CHI3L2: variants seen among roughly 807,000 people sequenced by gnomAD.
CHI3L2 encodes chitinase-3-like protein 2.
Under a neutral mutation model 47.3 loss-of-function variants are expected in CHI3L2, and 47 were observed. The ratio of observed to expected loss-of-function variants is 0.99; its 90% CI spans 0.79 to 1.27. The LOEUF is 1.27. CHI3L2 is among the 50% of genes most tolerant of loss of function. The probability of loss-of-function intolerance (pLI) is 0.00; values close to 1 mark genes in which losing one functional copy is unlikely to be tolerated. For synonymous variants in CHI3L2, 198 were observed against 169.9 expected, an observed-to-expected ratio of 1.17 and a Z score of -1.28; for missense variants, 497 against 462.1, an observed-to-expected ratio of 1.08 and a Z score of -0.69.
At position 111,231,220 on chromosome 1, in the gene CHI3L2, C is replaced by T. The variant is rs376481560; in HGVS notation, c.273-18C>T. ...TGGCAGCCAGAAAATAAATAATCAT[C>T]TTATTCTTCTACTTCAGGAATCCCA... On this transcript the variant is annotated intron_variant, in intron 3 of 10. Coordinates refer to ENST00000369748, the MANE Select transcript of CHI3L2 (RefSeq NM_004000.3). 36 of 1,594,612 alleles carry T rather than the reference C, an allele frequency of 2.3e-5. No homozygotes were observed. In the African/African-American group the frequency reaches 3.2e-4, roughly 14 times the overall value.
intron 4 of CHI3L2, among the ~76,000 whole-genome samples, chr1:111,234,214 C>T (rs913080902): frequency 1.3e-5 from 2 of 148,828 alleles, no homozygotes; most frequent in Non-Finnish European, 3.0e-5. Context: ...AGAAAGAAAA[C>T]CAAAGCTGGA....
Position 111,234,906 on chromosome 1 carries a change from G to C in CHI3L2, c.330-1G>C. ...AAGACACTCGTATTGCTTCTTTCCA[G>C]GTTCCACCCTATGGTGGATTCTTCT... On this transcript the variant is annotated splice_acceptor_variant, in intron 4 of 10. Transcript: ENST00000369748. LOFTEE classifies it high-confidence loss of function. 1 of 1,613,836 alleles carries C rather than the reference G, an allele frequency of 6.2e-7. No homozygotes were observed. Among genetic ancestry groups the C allele is most frequent in the Non-Finnish European group, 8.5e-7 (1 of 1,179,874 alleles).
intron 8 of CHI3L2, 72 bp downstream of exon 8, chr1:111,239,004 C>A: frequency 7.2e-7 from 1 of 1,396,928 alleles, no homozygotes. Context: ...AATTTGACAG[C>A]AGAGTAAAGC....
At chr1:111,234,835 C>T in intron 4 of CHI3L2, 72 bp from the exon 5 acceptor site, 1 of 1,435,052 alleles carries the variant, frequency 7.0e-7, no homozygotes, top group South Asian at 1.2e-5. Context: ...CTCAGGATTT[C>T]TGTGAAAAAT....
chr1:111,231,690 A>G (rs192315442), intron 4 of CHI3L2, among the ~76,000 whole-genome samples: 65 of 152,366 alleles, frequency 4.3e-4, no homozygotes, highest in South Asian at 1.2e-3. Flanking sequence ...GGTTGCTTCC[A>G]TTCAGAAGCC....
intron 7 of CHI3L2, among the ~76,000 whole-genome samples, chr1:111,238,337 G>T (rs1183312194): frequency 6.6e-6 from 1 of 152,178 alleles, no homozygotes; most frequent in East Asian, 1.9e-4. Context: ...GTCCCATTGG[G>T]TGCAAGGTCA....
chr1:111,237,982 A>G (rs6685226), intron 7 of CHI3L2, among the ~76,000 whole-genome samples: 23,919 of 152,174 alleles, frequency 0.16, 1,998 homozygotes, highest in Admixed American at 0.22. Context: ...TGGTCTCTAC[A>G]CCACTTATCA....
chr1:111,242,371 C>A lies in CHI3L2; in HGVS notation c.*2+5C>A. On this transcript the variant is annotated splice_donor_5th_base_variant and intron_variant, in intron 10 of 10. Transcript: ENST00000369748. ...AAGCCTTGGCTCCCTGTGAAGGTAA[C>A]AGTCCAGGCTGGAGCTGGGAGTGGG... is the stretch of plus-strand genomic sequence containing the variant. 1 of 1,600,188 alleles carries A rather than the reference C, an allele frequency of 6.2e-7. No individual in the cohort carries two copies. The highest frequency in any genetic ancestry group is 8.5e-7 in the Non-Finnish European group (1 of 1,173,162).
In CHI3L2 at chr1:111,235,052, A is replaced by G. The variant is rs1176733378; in HGVS notation, c.475A>G (p.Ile159Val). 1 of 1,613,656 alleles carries G rather than the reference A, an allele frequency of 6.2e-7. No individual in the cohort carries two copies. The highest frequency in any genetic ancestry group is 1.3e-5 in the African/African-American group (1 of 74,922). Reference protein sequence around the residue: ...QKENTHFTVLIHELAEAFQKD... With the variant: ...QKENTHFTVLVHELAEAFQKD... ...AGAAAACACTCATTTCACTGTGCTGATTCATGTAAGTCATGAATCAAGTAA... is the reference window on the plus strand; with the variant it reads ...AGAAAACACTCATTTCACTGTGCTGGTTCATGTAAGTCATGAATCAAGTAA... Residue 159 changes from isoleucine (I) to valine (V), a missense_variant, in exon 5 of 11, where the codon ATT becomes GTT. Transcript: ENST00000369748.
Position 111,229,858 on chromosome 1 carries a change from T to C in CHI3L2, c.47T>C (p.Val16Ala), listed in dbSNP as rs1659659713. The change falls in exon 2 of 11, where the codon GTG becomes GCG. Residue 16 changes from valine (V) to alanine (A), a missense_variant. Physicochemically the swap from Val to Ala is moderately conservative, Grantham distance 64. Coordinates refer to ENST00000369748, the MANE Select transcript of CHI3L2 (RefSeq NM_004000.3). ...TTCCACCCATCTATTGCAGGTGTAGTGGTCTTGCTGCTTCTCCAGGGAGGT... is the reference window on the plus strand; with the variant it reads ...TTCCACCCATCTATTGCAGGTGTAGCGGTCTTGCTGCTTCTCCAGGGAGGT... ...MDQKSLWAGV[V>A]VLLLLQGGSA... 1 of 1,613,822 alleles carries C rather than the reference T, an allele frequency of 6.2e-7. No individual in the cohort carries two copies. The highest frequency in any genetic ancestry group is 8.5e-7 in the Non-Finnish European group (1 of 1,179,902).
At position 111,242,333 on chromosome 1, in the gene CHI3L2, A is replaced by G. The variant is rs904820539; in HGVS notation, c.1142A>G (p.Gln381Arg). Reference sequence around the variant, plus strand: ...AACCAGGGCCCTTACCCTCTTGTCCAAGCAGTCAAGAGAAGCCTTGGCTCC... The same window carrying G: ...AACCAGGGCCCTTACCCTCTTGTCCGAGCAGTCAAGAGAAGCCTTGGCTCC... ...SCNQGPYPLV[Q>R]AVKRSLGSL Residue 381 changes from glutamine (Q) to arginine (R), a missense_variant, in exon 10 of 11, where the codon CAA becomes CGA. Transcript: ENST00000369748. The G allele has an allele frequency of 1.2e-6, 2 of 1,612,584 alleles. No individual in the cohort carries two copies. Among genetic ancestry groups the G allele is most frequent in the African/African-American group, 2.7e-5 (2 of 74,804 alleles).
In CHI3L2 at chr1:111,230,730, ACT is replaced by A. The variant is rs1557706580; in HGVS notation, c.71-9_71-8del. ...CCCTAGAGTCTCACTGGCTCTCTTC[ACT>A]CTACTCCAGGATCTGCCTACAAACT... is the stretch of plus-strand genomic sequence containing the variant. On this transcript the variant is annotated splice_polypyrimidine_tract_variant and intron_variant, in intron 2 of 10. Transcript: ENST00000369748. 6 of 1,611,954 alleles carry A rather than the reference ACT, an allele frequency of 3.7e-6. No homozygotes were observed. Among genetic ancestry groups the A allele is most frequent in the Non-Finnish European group, 5.1e-6 (6 of 1,178,416 alleles).
Position 111,241,388 on chromosome 1 carries a change from C to T in CHI3L2, c.980C>T (p.Ala327Val), listed in dbSNP as rs370940052. ...TRLQDQQVPY[A>V]VKGNQWVGYD... ...CTCCAGGATCAGCAGGTTCCCTACG[C>T]AGTCAAGGGGAACCAGTGGGTGGGC... Residue 327 changes from alanine to valine, a missense_variant, in exon 9 of 11, where the codon GCA (alanine) becomes GTA (valine). Coordinates refer to ENST00000369748, the MANE Select transcript of CHI3L2 (RefSeq NM_004000.3). 108 of 1,610,440 alleles carry T rather than the reference C, an allele frequency of 6.7e-5. 2 individuals are homozygous for T. In the East Asian group the frequency reaches 1.5e-3, roughly 22 times the overall value.
chr1:111,235,590 TG>T (rs1659856060), intron 5 of CHI3L2, 48 bp from the exon 6 acceptor site: 1 of 1,591,814 alleles, frequency 6.3e-7, no homozygotes, highest in African/African-American at 1.3e-5. Flanking sequence ...AGCTTAGCAC[TG>T]TACTCTGGGA....
rs1014133365 is a variant in CHI3L2, at chr1:111,231,311, A to C, written c.329+17A>C. 4 of 1,572,816 alleles carry C rather than the reference A, an allele frequency of 2.5e-6. No homozygotes were observed. The African/African-American group carries it at 5.4e-5, about 21-fold the overall frequency. On this transcript the variant is annotated intron_variant, in intron 4 of 10. Transcript: ENST00000369748. ...TTCCAAAGGGTAAGACTACATCTTT[A>C]TTTTTTGTTCATTTCCCCATGTAAT...
chr1:111,239,000 A>T, intron 8 of CHI3L2, 68 bp downstream of exon 8: 1 of 1,442,044 alleles, frequency 6.9e-7, no homozygotes. Flanking sequence ...CTTCAATTTG[A>T]CAGCAGAGTA....
At chr1:111,228,212 C>T (rs1659583887) in intron 1 of CHI3L2, among the ~76,000 whole-genome samples, 2 of 152,146 alleles carry the variant, frequency 1.3e-5, no homozygotes, top group Non-Finnish European at 2.9e-5. Flanking sequence ...CTCTCCCTTT[C>T]AACTCTAAAG....
intron 1 of CHI3L2, among the ~76,000 whole-genome samples, chr1:111,228,500 G>A (rs575641612): frequency 3.3e-5 from 5 of 152,204 alleles, no homozygotes; most frequent in South Asian, 2.1e-4. Flanking sequence ...GGTAGAGCCC[G>A]TAGGGAGGCC....
intron 5 of CHI3L2, 140 bp downstream of exon 5, chr1:111,235,197 C>G (rs1659843296): frequency 2.5e-6 from 2 of 790,954 alleles, no homozygotes; most frequent in Non-Finnish European, 2.0e-6. Flanking sequence ...GAAGCTCCCA[C>G]TAATGAGAGA....
Sources: gnomAD v4.1 joint callset for allele counts (sites outside exome capture counted in the v4.1 genomes callset) on GRCh38, gnomAD v4.1.1 for gene constraint, MANE v1.5 for transcripts, NCBI Gene and HGNC (gene_info 2026-07-23, HGNC 2026-07-21) for gene names.